The following ADAMTS3 variants were observed in gnomAD, a reference collection of about 807,000 sequenced individuals.
ADAMTS3 encodes A disintegrin and metalloproteinase with thrombospondin motifs 3.
In ADAMTS3, 73 loss-of-function variants were observed where a neutral mutation model predicts 129.0. The ratio of observed to expected loss-of-function variants is 0.57; its 90% confidence interval spans 0.47 to 0.69. ADAMTS3 has a LOEUF of 0.69. ADAMTS3 is among the 30% of genes least tolerant of loss of function. ADAMTS3 has a pLI of 0.00. For synonymous variants in ADAMTS3, 477 were observed against 510.8 expected (o/e 0.93, Z 0.89); for missense variants, 1,457 against 1,514.5 (o/e 0.96, Z 0.63).
chr4:72,561,051 T>C (rs1407646692), intron 2 of ADAMTS3, among the ~76,000 whole-genome samples: 3 of 152,046 alleles, frequency 2.0e-5, no homozygotes, highest in Non-Finnish European at 4.4e-5. Context: ...ATTTAGATTT[T>C]AGATTAAGAA....
At chr4:72,539,796 C>G (rs1721276376) in intron 3 of ADAMTS3, among the ~76,000 whole-genome samples, 1 of 152,172 alleles carries the variant, frequency 6.6e-6, no homozygotes. Context: ...CATAAGCTCT[C>G]TCTTTGCTGC....
At chr4:72,418,480 C>A (rs1722365401) in intron 3 of ADAMTS3, among the ~76,000 whole-genome samples, 2 of 152,312 alleles carry the variant, frequency 1.3e-5, no homozygotes, top group Admixed American at 1.3e-4. Flanking sequence ...TCCACACAAT[C>A]ATCCAGGAGT....
intron 21 of ADAMTS3, among the ~76,000 whole-genome samples, chr4:72,284,695 A>G (rs976706367): frequency 6.6e-6 from 1 of 152,204 alleles, no homozygotes; most frequent in African/African-American, 2.4e-5. Flanking sequence ...TACTAAAGTA[A>G]TACTCATAAA....
At chr4:72,516,881 G>C (rs1292037351) in intron 3 of ADAMTS3, among the ~76,000 whole-genome samples, 1 of 152,088 alleles carries the variant, frequency 6.6e-6, no homozygotes, top group Non-Finnish European at 1.5e-5. Flanking sequence ...CTGTTGAATA[G>C]GAGTGGTGAG....
At chr4:72,566,759 ACT>A (rs1309434802) in intron 2 of ADAMTS3, among the ~76,000 whole-genome samples, 1 of 150,768 alleles carries the variant, frequency 6.6e-6, no homozygotes, top group Non-Finnish European at 1.5e-5. Flanking sequence ...AGTCACTTAC[ACT>A]CTCTGAATCT....
Position 72,568,873 on chromosome 4 carries a change from G to A in ADAMTS3, c.-111C>T. The stretch of plus-strand genomic sequence containing the variant: ...AGAAAAAAAGGAAAAGGGAAAAAAT[G>A]CGAAATAGAAAAAAATGATCTTCTG... On this transcript the variant is annotated 5_prime_UTR_variant, in exon 1 of 22. Coordinates refer to ENST00000286657, the MANE Select transcript of ADAMTS3 (RefSeq NM_014243.3). 1.3e-6 allele frequency: 1 copy of A among 750,656 alleles called. No homozygotes were observed. Among genetic ancestry groups the A allele is most frequent in the Non-Finnish European group, 2.1e-6 (1 of 475,308 alleles). 46.5% of individuals were successfully genotyped at this position (750,656 alleles called of 1,614,324 possible).
chr4:72,404,718 T>C (rs1422586805), intron 4 of ADAMTS3, among the ~76,000 whole-genome samples: 1 of 151,926 alleles, frequency 6.6e-6, no homozygotes, highest in Non-Finnish European at 1.5e-5. Context: ...AAAGGAAACC[T>C]ATAGAATGGG....
chr4:72,349,166 A>G (rs1481771135), intron 4 of ADAMTS3, among the ~76,000 whole-genome samples: 3 of 152,198 alleles, frequency 2.0e-5, no homozygotes, highest in Admixed American at 2.0e-4. Context: ...AGCTAAACTT[A>G]TCTGAGCTTC....
At chr4:72,501,093 T>C (rs1720008797) in intron 3 of ADAMTS3, among the ~76,000 whole-genome samples, 1 of 152,150 alleles carries the variant, frequency 6.6e-6, no homozygotes, top group Admixed American at 6.6e-5. Context: ...TTTGACTATT[T>C]GAGCCTTTTT....
intron 4 of ADAMTS3, among the ~76,000 whole-genome samples, chr4:72,393,860 C>T (rs75842780): frequency 0.043 from 6,621 of 152,256 alleles, 162 homozygotes; most frequent in Non-Finnish European, 0.052. Flanking sequence ...ATTATCAGCA[C>T]AAACCATGTA....
chr4:72,330,239 G>A (rs573219284), intron 5 of ADAMTS3, among the ~76,000 whole-genome samples: 11 of 152,030 alleles, frequency 7.2e-5, no homozygotes, highest in Non-Finnish European at 1.3e-4. Flanking sequence ...GGCTGGTCTC[G>A]AACTCCTGAC....
intron 17 of ADAMTS3, among the ~76,000 whole-genome samples, chr4:72,302,899 G>C (rs549910761): frequency 2.6e-5 from 4 of 152,114 alleles, no homozygotes; most frequent in Non-Finnish European, 4.4e-5. Context: ...TGGCCCCTAG[G>C]TTCTTTCTTC....
chr4:72,552,405 G>A (rs939284628), intron 2 of ADAMTS3, among the ~76,000 whole-genome samples: 7 of 152,088 alleles, frequency 4.6e-5, no homozygotes, highest in Admixed American at 4.6e-4. Context: ...TAATGTTGTG[G>A]TTCAACTTTA....
intron 3 of ADAMTS3, among the ~76,000 whole-genome samples, chr4:72,500,641 T>C (rs930114012): frequency 2.6e-5 from 4 of 152,138 alleles, no homozygotes; most frequent in Non-Finnish European, 5.9e-5. Context: ...TGTCAGTTTT[T>C]GTTTTTGTTG....
intron 4 of ADAMTS3, among the ~76,000 whole-genome samples, chr4:72,360,722 T>TA (rs1407879062): frequency 6.6e-6 from 1 of 152,072 alleles, no homozygotes. Context: ...TTTTAAACAT[T>TA]AATATTTAAT....
chr4:72,321,790 AT>A (rs779322014), intron 6 of ADAMTS3, among the ~76,000 whole-genome samples: 125 of 148,628 alleles, frequency 8.4e-4, no homozygotes, highest in African/African-American at 2.5e-3. Flanking sequence ...AAAAACTCCC[AT>A]TTTTTTTTTA....
chr4:72,334,609 G>C (rs2109826178), intron 5 of ADAMTS3, among the ~76,000 whole-genome samples: 1 of 152,196 alleles, frequency 6.6e-6, no homozygotes, highest in South Asian at 2.1e-4. Flanking sequence ...TTTTTATCAT[G>C]CTTATTGGAA....
chr4:72,474,672 T>C (rs904877783), intron 3 of ADAMTS3, among the ~76,000 whole-genome samples: 5 of 151,950 alleles, frequency 3.3e-5, no homozygotes, highest in African/African-American at 1.2e-4. Context: ...TAATACAATA[T>C]GTAGAGTAAC....
chr4:72,461,726 A>T (rs1718776666), intron 3 of ADAMTS3, among the ~76,000 whole-genome samples: 1 of 151,908 alleles, frequency 6.6e-6, no homozygotes, highest in Admixed American at 6.6e-5. Flanking sequence ...ATGTTTTCAT[A>T]TTCTCTGATC....
Sources: gnomAD v4.1 joint callset for allele counts (sites outside exome capture counted in the v4.1 genomes callset) on GRCh38, gnomAD v4.1.1 for gene constraint, MANE v1.5 for transcripts, NCBI Gene and HGNC (gene_info 2026-07-23, HGNC 2026-07-21) for gene names.